The following NRG1 variants were observed in gnomAD, a reference collection of about 807,000 sequenced individuals.
NRG1 encodes the protein neuregulin 1.
Under a neutral mutation model 63.8 loss-of-function variants are expected in NRG1, and 18 were observed. That is an observed-to-expected ratio of 0.28 (90% CI 0.19 to 0.42). NRG1 has a LOEUF of 0.42. Among genes scored for constraint, NRG1 ranks in the 10% least tolerant of loss-of-function variants. The pLI is 1.00. For missense variants in NRG1, 762 were observed against 814.7 expected, an observed-to-expected ratio of 0.94 and a Z score of 0.79; for synonymous variants, 302 against 301.3, an observed-to-expected ratio of 1.00 and a Z score of -0.02.
intron 1 of NRG1, among the ~76,000 whole-genome samples, chr8:32,256,039 G>A (rs1266782821): frequency 6.6e-6 from 1 of 152,172 alleles, no homozygotes; most frequent in Non-Finnish European, 1.5e-5. Context: ...AAGTTCTCAT[G>A]CAGTGTTTTT....
intron 1 of NRG1, among the ~76,000 whole-genome samples, chr8:31,991,696 T>C (rs1387198382): frequency 6.6e-6 from 1 of 152,022 alleles, no homozygotes; most frequent in Non-Finnish European, 1.5e-5. Flanking sequence ...GTATCAAGTT[T>C]TCTCCCTTGC....
Position 31,640,578 on chromosome 8 carries a change from G to A in NRG1, c.37+1147G>A. ...ACCCCGCCTTCCCCTCCTGCGGGAG[G>A]CTCAAGGAGGACAGCAGGTACATCT... On this transcript the variant is annotated intron_variant, in intron 1 of 10. Coordinates refer to the NRG1 transcript ENST00000519301. This position sits in a 1 kb window ranked among gnomAD's most constrained non-coding sequence, Gnocchi z 6.3. The A allele has an allele frequency of 3.1e-6, 5 of 1,612,080 alleles. No homozygotes were observed. The highest frequency in any genetic ancestry group is 4.2e-6 in the Non-Finnish European group (5 of 1,179,532).
At chr8:32,071,406 G>A (rs1419896947) in intron 1 of NRG1, among the ~76,000 whole-genome samples, 3 of 152,226 alleles carry the variant, frequency 2.0e-5, no homozygotes, top group South Asian at 2.1e-4. Flanking sequence ...AATTAGACAC[G>A]ATCTTCTCAG....
At position 31,697,580 on chromosome 8, in the gene NRG1, T is replaced by C. The variant is rs1481369228; in HGVS notation, c.37+58149T>C. Reference sequence around the variant, plus strand: ...GGAATTTCTTTTAAGTTTGAGGGCCTCTTTCTTTTTGCTAGGAAGGGAAGC... The same window carrying C: ...GGAATTTCTTTTAAGTTTGAGGGCCCCTTTCTTTTTGCTAGGAAGGGAAGC... On this transcript the variant is annotated intron_variant, in intron 1 of 10. Transcript: ENST00000519301. 4.6e-5 allele frequency among the ~76,000 whole-genome samples: 7 copies of C among 152,184 alleles called. No individual in the cohort carries two copies. In the East Asian group the frequency reaches 1.3e-3, roughly 29 times the overall value.
At chr8:32,693,981 CT>C (rs1349945802) in intron 5 of NRG1, among the ~76,000 whole-genome samples, 1 of 152,152 alleles carries the variant, frequency 6.6e-6, no homozygotes, top group African/African-American at 2.4e-5. Flanking sequence ...ATACCTCATG[CT>C]TGTCTGCCTT....
At chr8:32,474,665 G>C (rs1048714200) in intron 1 of NRG1, among the ~76,000 whole-genome samples, 1 of 151,446 alleles carries the variant, frequency 6.6e-6, no homozygotes, top group Non-Finnish European at 1.5e-5. Context: ...GCTAATTTTT[G>C]TGTGTGTGTG....
intron 1 of NRG1, among the ~76,000 whole-genome samples, chr8:32,346,121 ATATT>A (rs1804862012): frequency 6.8e-6 from 1 of 147,552 alleles, no homozygotes; most frequent in African/African-American, 2.5e-5. Flanking sequence ...ATACAAATAT[ATATT>A]TATATAAATT....
intron 1 of NRG1, among the ~76,000 whole-genome samples, chr8:32,340,978 T>C (rs1233658121): frequency 1.3e-5 from 2 of 152,182 alleles, no homozygotes; most frequent in Non-Finnish European, 2.9e-5. Flanking sequence ...CAACATTGAG[T>C]GGCCCTGTAT....
At chr8:31,885,998 A>C (rs1830689785) in intron 1 of NRG1, among the ~76,000 whole-genome samples, 2 of 152,116 alleles carry the variant, frequency 1.3e-5, no homozygotes, top group African/African-American at 4.8e-5. Flanking sequence ...AACAAGAAAC[A>C]AATGTATTTG....
At chr8:32,690,089 C>T (rs979432485) in intron 5 of NRG1, among the ~76,000 whole-genome samples, 1 of 152,136 alleles carries the variant, frequency 6.6e-6, no homozygotes, top group Non-Finnish European at 1.5e-5. Context: ...AGATCATTGA[C>T]TTAGTGTTAT....
intron 1 of NRG1, among the ~76,000 whole-genome samples, chr8:31,917,960 C>G (rs1307042476): frequency 6.6e-6 from 1 of 152,088 alleles, no homozygotes; most frequent in African/African-American, 2.4e-5. Flanking sequence ...TTTATTTTCT[C>G]TGAAGCAGTT....
intron 1 of NRG1, among the ~76,000 whole-genome samples, chr8:32,156,995 T>C (rs1383092021): frequency 6.6e-6 from 1 of 151,810 alleles, no homozygotes; most frequent in Non-Finnish European, 1.5e-5. Context: ...ACGCTAACAT[T>C]GCCTCCAACC....
chr8:32,140,939 TTCTCTCTC>T (rs147651599), intron 1 of NRG1, among the ~76,000 whole-genome samples: 3 of 149,366 alleles, frequency 2.0e-5, no homozygotes, highest in African/African-American at 7.3e-5. Context: ...TTTATGCACC[TTCTCTCTC>T]TCTCTCTCTC....
At chr8:31,853,776 A>G (rs1036144960) in intron 1 of NRG1, among the ~76,000 whole-genome samples, 2 of 151,880 alleles carry the variant, frequency 1.3e-5, no homozygotes, top group Non-Finnish European at 2.9e-5. Context: ...ATTATTTTGA[A>G]ATATGTCCCA....
intron 5 of NRG1, chr8:32,648,306 A>C (rs753538944): frequency 1.1e-5 from 17 of 1,614,092 alleles, no homozygotes; most frequent in Non-Finnish European, 1.4e-5. Context: ...ACCCACCCGG[A>C]ACCCTGAGGT....
At position 32,107,599 on chromosome 8, in the gene NRG1, G is replaced by A. The variant is rs189886150; in HGVS notation, c.37+468168G>A. 7.2e-4 allele frequency among the ~76,000 whole-genome samples: 110 copies of A among 152,200 alleles called. No homozygotes were observed. In the East Asian group the frequency reaches 0.02, roughly 28 times the overall value. The stretch of plus-strand genomic sequence containing the variant: ...AGTCAGTTCCCTTATTCATAACACT[G>A]AATAATAGCAATACTACTGAGTTTT... On this transcript the variant is annotated intron_variant, in intron 1 of 10. Transcript: ENST00000519301.
chr8:32,358,591 G>A (rs187112929), intron 1 of NRG1, among the ~76,000 whole-genome samples: 1 of 152,070 alleles, frequency 6.6e-6, no homozygotes, highest in Non-Finnish European at 1.5e-5. Flanking sequence ...AGAAGTACAG[G>A]AATTAAGAAG....
chr8:32,085,976 A>G (rs953967416), intron 1 of NRG1, among the ~76,000 whole-genome samples: 2 of 152,204 alleles, frequency 1.3e-5, no homozygotes, highest in African/African-American at 4.8e-5. Context: ...CATTCCATGC[A>G]CCGTGCTCCT....
intron 1 of NRG1, among the ~76,000 whole-genome samples, chr8:31,978,935 G>A (rs1418447248): frequency 6.6e-6 from 1 of 152,032 alleles, no homozygotes; most frequent in Non-Finnish European, 1.5e-5. Context: ...GTTGTCCTTT[G>A]GCTTATTTTA....
Sources: allele counts gnomAD v4.1 joint callset (sites outside exome capture counted in the v4.1 genomes callset), GRCh38; gene constraint gnomAD v4.1.1; non-coding constraint Gnocchi (gnomAD v3.1); transcripts MANE v1.5; gene names NCBI Gene and HGNC (gene_info 2026-07-23, HGNC 2026-07-21).